The following PRKAG2 variants were observed in gnomAD, a reference collection of about 807,000 sequenced individuals.
PRKAG2 encodes the protein 5'-AMP-activated protein kinase subunit gamma-2.
A neutral mutation model predicts 69.6 loss-of-function variants in PRKAG2; 26 were observed. The ratio of observed to expected loss-of-function variants is 0.37; its 90% CI spans 0.27 to 0.52. The LOEUF is 0.52. Among genes scored for constraint, PRKAG2 ranks in the 20% least tolerant of loss-of-function variants. PRKAG2 has a pLI of 0.90. For missense variants in PRKAG2, 557 were observed against 740.0 expected (o/e 0.75, Z 2.87); for synonymous variants, 293 against 285.0 (o/e 1.03, Z -0.28).
intron 1 of PRKAG2, among the ~76,000 whole-genome samples, chr7:151,874,170 T>C (rs1359462515): frequency 1.6e-5 from 2 of 128,530 alleles, no homozygotes; most frequent in East Asian, 5.2e-4. Context: ...TATATGTATA[T>C]GATGTATATG....
At chr7:151,785,818 G>A (rs539665442) in intron 2 of PRKAG2, among the ~76,000 whole-genome samples, 16 of 152,100 alleles carry the variant, frequency 1.1e-4, no homozygotes, top group African/African-American at 3.6e-4. Context: ...CGGCCACCTC[G>A]ACCCTCACCT....
At chr7:151,559,902 C>T (rs1007466678) in intron 15 of PRKAG2, 57 of 985,214 alleles carry the variant, frequency 5.8e-5, no homozygotes, top group Non-Finnish European at 6.9e-5. Flanking sequence ...CCACCTCTTA[C>T]TACTGAGTGT....
chr7:151,735,777 G>A, intron 3 of PRKAG2: 1 of 1,331,904 alleles, frequency 7.5e-7, no homozygotes, highest in Non-Finnish European at 1.0e-6. Context: ...ACCGCCTGAT[G>A]TTATATCCCA....
intron 5 of PRKAG2, among the ~76,000 whole-genome samples, chr7:151,624,570 C>A (rs957187489): frequency 6.6e-6 from 1 of 152,156 alleles, no homozygotes; most frequent in Non-Finnish European, 1.5e-5. Context: ...TGGCTCTGTT[C>A]CCCCTAACCT....
intron 4 of PRKAG2, among the ~76,000 whole-genome samples, chr7:151,650,029 G>A (rs1005116450): frequency 6.6e-6 from 1 of 152,036 alleles, no homozygotes; most frequent in African/African-American, 2.4e-5. Flanking sequence ...TGACTACTTG[G>A]TATTTCTATT....
chr7:151,721,624 G>C (rs1349770955), intron 3 of PRKAG2, among the ~76,000 whole-genome samples: 1 of 152,214 alleles, frequency 6.6e-6, no homozygotes, highest in Non-Finnish European at 1.5e-5. Context: ...CCCTGGGGCA[G>C]TCAAGGACAT....
At chr7:151,768,522 C>G (rs10242253) in intron 3 of PRKAG2, among the ~76,000 whole-genome samples, 106,544 of 152,138 alleles carry the variant, frequency 0.7, 37,847 homozygotes, top group East Asian at 0.98. Flanking sequence ...CTGGAGTGCA[C>G]TAGCACGATC....
chr7:151,690,461 T>G lies in PRKAG2; in HGVS notation c.467-14824A>C, dbSNP rs146226075. ...GCTCTTCCCCGAAAGGTTCCTGCTC[T>G]GTTATTCTTGGTCAATCTGCAGAAG... On this transcript the variant is annotated intron_variant, in intron 3 of 15. Transcript: ENST00000287878. 2.8e-3 allele frequency among the ~76,000 whole-genome samples: 424 copies of G among 152,288 alleles called. 2 individuals carry two copies. Among genetic ancestry groups the G allele is most frequent in the Middle Eastern group, 0.017 (5 of 294 alleles).
intron 1 of PRKAG2, chr7:151,809,597 C>A (rs1209729053): frequency 5.1e-6 from 1 of 196,292 alleles, no homozygotes; most frequent in Non-Finnish European, 1.1e-5. Context: ...TGGCAATGGT[C>A]ACCGGGCTGC....
At chr7:151,826,849 T>C (rs1250208986) in intron 1 of PRKAG2, among the ~76,000 whole-genome samples, 1 of 152,236 alleles carries the variant, frequency 6.6e-6, no homozygotes, top group East Asian at 1.9e-4. Flanking sequence ...TGCTTCCTAA[T>C]TGCTCTATTC....
rs1806446582 is a variant in PRKAG2 at position 151,567,160 on chromosome 7, G to A, written c.1234-1275C>T. ...CCACTTAGTATCCACATGACTGGGG[G>A]CACGTTTCCCAGCCAGGTGTCCTGT... On this transcript the variant is annotated intron_variant, in intron 11 of 15. Transcript: ENST00000287878. This position sits in a 1 kb window ranked among gnomAD's most constrained non-coding sequence, Gnocchi z 4.2. 6.6e-6 allele frequency among the ~76,000 whole-genome samples: 1 copy of A among 152,124 alleles called. No individual in the cohort carries two copies. The highest frequency in any genetic ancestry group is 1.5e-5 in the Non-Finnish European group (1 of 68,026).
chr7:151,713,894 C>T (rs960628152), intron 3 of PRKAG2, among the ~76,000 whole-genome samples: 2 of 152,156 alleles, frequency 1.3e-5, no homozygotes, highest in African/African-American at 4.8e-5. Flanking sequence ...TTAAATGTAG[C>T]TACCATGACG....
chr7:151,871,481 C>G (rs1412153052), intron 1 of PRKAG2, among the ~76,000 whole-genome samples: 2 of 152,346 alleles, frequency 1.3e-5, no homozygotes, highest in Non-Finnish European at 1.5e-5. Flanking sequence ...CATCCTCCCC[C>G]TCCTCCTCCA....
At chr7:151,727,948 C>G (rs1798265378) in intron 3 of PRKAG2, among the ~76,000 whole-genome samples, 1 of 152,312 alleles carries the variant, frequency 6.6e-6, no homozygotes, top group Admixed American at 6.5e-5. Flanking sequence ...TGCAGTCATG[C>G]TCTTAGCCTC....
intron 1 of PRKAG2, among the ~76,000 whole-genome samples, chr7:151,873,439 G>A (rs1206039377): frequency 6.6e-6 from 1 of 152,206 alleles, no homozygotes; most frequent in Non-Finnish European, 1.5e-5. Flanking sequence ...TTTTCCCAGC[G>A]AGGTTATAAC....
chr7:151,820,957 A>G (rs1004240679), intron 1 of PRKAG2, among the ~76,000 whole-genome samples: 1 of 2,500 alleles, frequency 4.0e-4, no homozygotes, highest in Non-Finnish European at 2.1e-3. Context: ...GACCCCCCCC[A>G]GCCAGGTACC....
chr7:151,729,833 CA>C (rs1411660535), intron 3 of PRKAG2, among the ~76,000 whole-genome samples: 1 of 152,218 alleles, frequency 6.6e-6, no homozygotes, highest in African/African-American at 2.4e-5. Context: ...CTCTCCCCAT[CA>C]CCCACTGAAC....
In PRKAG2 at chr7:151,771,122, G is replaced by A. The variant is rs1447015747; in HGVS notation, c.466+10030C>T. 6.6e-6 allele frequency among the ~76,000 whole-genome samples: 1 copy of A among 152,128 alleles called. No homozygotes were observed. The highest frequency in any genetic ancestry group is 1.5e-5 in the Non-Finnish European group (1 of 68,030). ...TTCCTTACTTCAGGCTCTAAGATCT[G>A]CCTGATTTCTACTACTGTAAGAACA... On this transcript the variant is annotated intron_variant, in intron 3 of 15. Coordinates refer to ENST00000287878, the MANE Select transcript of PRKAG2 (RefSeq NM_016203.4). This position sits in a 1 kb window ranked among gnomAD's most constrained non-coding sequence, Gnocchi z 4.0.
chr7:151,844,103 C>G (rs2151889562), intron 1 of PRKAG2, among the ~76,000 whole-genome samples: 2 of 152,342 alleles, frequency 1.3e-5, no homozygotes, highest in East Asian at 3.9e-4. Flanking sequence ...TCCCACACTC[C>G]AGGCCTTTCC....
Sources: gnomAD v4.1 joint callset for allele counts (sites outside exome capture counted in the v4.1 genomes callset) on GRCh38, gnomAD v4.1.1 for gene constraint, Gnocchi (gnomAD v3.1) non-coding constraint, MANE v1.5 for transcripts, NCBI Gene and HGNC (gene_info 2026-07-23, HGNC 2026-07-21) for gene names.